TTC4: variants seen among roughly 807,000 people sequenced by gnomAD.
TTC4 encodes the protein tetratricopeptide repeat domain 4, also known as hsp70/Hsp90 co-chaperone CNS1 homolog.
TTC4 carries 36 observed loss-of-function variants against 51.9 expected under a neutral mutation model. The ratio of observed to expected loss-of-function variants is 0.69; its 90% confidence interval spans 0.53 to 0.92. The LOEUF (loss-of-function observed/expected upper bound fraction) is 0.92. TTC4 is among the 40% of genes least tolerant of loss of function. The probability of loss-of-function intolerance (pLI) is 0.00; values close to 1 mark genes in which losing one functional copy is unlikely to be tolerated. For missense variants in TTC4, 399 were observed against 454.6 expected, an observed-to-expected ratio of 0.88 and a Z score of 1.11; for synonymous variants, 144 against 164.2, an observed-to-expected ratio of 0.88 and a Z score of 0.94.
chr1:54,717,213 TTTC>T (rs1192987634), intron 2 of TTC4, among the ~76,000 whole-genome samples: 1 of 152,202 alleles, frequency 6.6e-6, no homozygotes, highest in Non-Finnish European at 1.5e-5. Flanking sequence ...AAAAAATTCT[TTTC>T]TTCAACAGCT....
At chr1:54,716,085 T>C (rs1410379326) in intron 1 of TTC4, 66 bp downstream of exon 1, 3 of 1,297,082 alleles carry the variant, frequency 2.3e-6, no homozygotes. Context: ...GCACCCGGGC[T>C]CTGGGGCACC....
chr1:54,717,484 C>T lies in TTC4; in HGVS notation c.230-8C>T. ...AGCAATAGTGATTATTTTTCCTCTT[C>T]TTTGCAGAACAGGCCAAGACCTATA... On this transcript the variant is annotated splice_region_variant and splice_polypyrimidine_tract_variant and intron_variant, in intron 2 of 9. Coordinates refer to ENST00000371281, the MANE Select transcript of TTC4 (RefSeq NM_004623.5). The T allele has an allele frequency of 2.0e-6, 3 of 1,511,460 alleles. No homozygotes were observed. The highest frequency in any genetic ancestry group is 2.4e-5 in the Admixed American group (1 of 42,328). The allele number at this position is 1,511,460 out of a possible 1,614,324, so 93.6% of individuals were successfully genotyped here.
intron 8 of TTC4, among the ~76,000 whole-genome samples, chr1:54,736,484 C>A (rs953401190): frequency 2.0e-5 from 3 of 152,044 alleles, no homozygotes; most frequent in African/African-American, 7.2e-5. Flanking sequence ...AATCCTCCCA[C>A]CTCAGTCTCC....
At chr1:54,731,373 AAAAT>A (rs1369047247) in intron 6 of TTC4, 109 bp from the exon 7 acceptor site, 2 of 964,500 alleles carry the variant, frequency 2.1e-6, no homozygotes, top group African/African-American at 1.7e-5. Context: ...AAATAAATAA[AAAAT>A]AAAAAAATTA....
At chr1:54,739,809 A>G (rs996859683) in intron 9 of TTC4, among the ~76,000 whole-genome samples, 2 of 152,342 alleles carry the variant, frequency 1.3e-5, no homozygotes, top group Admixed American at 1.3e-4. Context: ...GAAGGCCTGA[A>G]TGCCCTGCTA....
intron 5 of TTC4, among the ~76,000 whole-genome samples, chr1:54,727,628 G>A (rs997618106): frequency 7.0e-6 from 1 of 143,516 alleles, no homozygotes; most frequent in Admixed American, 7.6e-5. Flanking sequence ...AGGGCAGGAG[G>A]ACCACTTGAG....
chr1:54,739,130 C>T (rs993402859), intron 9 of TTC4, among the ~76,000 whole-genome samples: 3 of 151,890 alleles, frequency 2.0e-5, no homozygotes, highest in Admixed American at 1.3e-4. Flanking sequence ...CCTCAGCCTC[C>T]GAAAGTGCTG....
rs147930155 is a variant in TTC4 at position 54,733,156 on chromosome 1, C to T, written c.897-473C>T. On this transcript the variant is annotated intron_variant, in intron 7 of 9. Transcript: ENST00000371281. ...TGTCAGTCAGGTGCAGGGCTCACAC[C>T]TGTAATCCCAATAACTTTGGGAGGC... Among the ~76,000 whole-genome samples, 288 of 147,626 alleles carry T rather than the reference C, an allele frequency of 2.0e-3. 1 individual carries two copies. The highest frequency in any genetic ancestry group is 6.8e-3 in the African/African-American group (259 of 38,228).
chr1:54,740,415 A>G (rs1437967647), intron 9 of TTC4, among the ~76,000 whole-genome samples: 2 of 151,982 alleles, frequency 1.3e-5, no homozygotes, highest in Non-Finnish European at 2.9e-5. Flanking sequence ...CTGGTCCCAA[A>G]TCTCTCTTCT....
chr1:54,722,016 A>G (rs75088591), intron 4 of TTC4, among the ~76,000 whole-genome samples: 3,937 of 152,314 alleles, frequency 0.026, 184 homozygotes, highest in African/African-American at 0.09. Flanking sequence ...GCTCATCTCT[A>G]GAAGATGGGG....
rs373085581 is a variant in TTC4, at chr1:54,733,672, T to C, written c.940T>C (p.Trp314Arg). ...LMVMFGETPS[W>R]DLEQKYCPDN... is the part of the protein sequence containing the mutation. ...GGTGATGTTTGGTGAAACACCCTCT[T>C]GGGACCTAGAGCAAAAATATTGCCC... Residue 314 changes from tryptophan to arginine, a missense_variant, in exon 8 of 10, where the codon TGG (tryptophan) becomes CGG (arginine). Trp to Arg is a moderately radical substitution (Grantham distance 101, BLOSUM62 -3). This residue lies in a region of TTC4 where 19 missense variants were observed against 43.7 expected (regional missense o/e 0.43). Coordinates refer to ENST00000371281, the MANE Select transcript of TTC4 (RefSeq NM_004623.5). 15 of 1,603,754 alleles carry C rather than the reference T, an allele frequency of 9.4e-6. No homozygotes were observed. Among genetic ancestry groups the C allele is most frequent in the Non-Finnish European group, 1.1e-5 (13 of 1,174,322 alleles).
Position 54,725,956 on chromosome 1 carries a change from GAAGA to G in TTC4, c.595-2389_595-2386del, listed in dbSNP as rs574828547. Among the ~76,000 whole-genome samples, 236 of 152,298 alleles carry G rather than the reference GAAGA, an allele frequency of 1.5e-3. 1 individual carries two copies. The South Asian group carries it at 0.025, about 16-fold the overall frequency. On this transcript the variant is annotated intron_variant, in intron 5 of 9. Transcript: ENST00000371281. ...AACAGAATGAGAAAAGAATAAGGATGAAGAGAGACTTGTATGATGCCATCAAGCA... is the reference window on the plus strand; with the variant it reads ...AACAGAATGAGAAAAGAATAAGGATGGAGACTTGTATGATGCCATCAAGCA...
At chr1:54,722,837 TAGC>T in intron 5 of TTC4, 38 bp downstream of exon 5, 2 of 1,557,174 alleles carry the variant, frequency 1.3e-6, no homozygotes, top group Non-Finnish European at 1.7e-6. Context: ...ATTTGCTAAT[TAGC>T]AGTAATTAGC....
At position 54,741,741 on chromosome 1, in the gene TTC4, G is replaced by A. The variant is rs980732954; in HGVS notation, c.*228G>A. On this transcript the variant is annotated 3_prime_UTR_variant, in exon 10 of 10. Coordinates refer to ENST00000371281, the MANE Select transcript of TTC4 (RefSeq NM_004623.5). ...ATATAAAACTCTGGGTCTTGGCCATGATGTCCTTGGACTCCATCGCTAAAG... is the reference window on the plus strand; with the variant it reads ...ATATAAAACTCTGGGTCTTGGCCATAATGTCCTTGGACTCCATCGCTAAAG... 8 of 568,102 alleles carry A rather than the reference G, an allele frequency of 1.4e-5. No individual in the cohort carries two copies. The highest frequency in any genetic ancestry group is 4.6e-4 in the Middle Eastern group (1 of 2,158). The allele number at this position is 568,102 out of a possible 1,614,324, so 35.2% of individuals were successfully genotyped here.
intron 9 of TTC4, among the ~76,000 whole-genome samples, chr1:54,737,912 T>A (rs1428898921): frequency 1.3e-5 from 2 of 152,062 alleles, no homozygotes; most frequent in African/African-American, 2.4e-5. Context: ...AACTCCCTTT[T>A]TTTTTGAGAT....
intron 6 of TTC4, among the ~76,000 whole-genome samples, chr1:54,729,879 C>G (rs960417986): frequency 2.6e-5 from 4 of 152,080 alleles, no homozygotes; most frequent in Non-Finnish European, 5.9e-5. Flanking sequence ...CACCACCATG[C>G]CCAGCTAATT....
intron 3 of TTC4, among the ~76,000 whole-genome samples, 198 bp from the exon 4 acceptor site, chr1:54,720,965 C>T (rs1252879438): frequency 6.6e-6 from 1 of 152,000 alleles, no homozygotes; most frequent in Non-Finnish European, 1.5e-5. Context: ...GCTTACTAGC[C>T]ATTTACAGTT....
At chr1:54,718,806 A>T (rs981030780) in intron 3 of TTC4, among the ~76,000 whole-genome samples, 1 of 151,532 alleles carries the variant, frequency 6.6e-6, no homozygotes, top group Non-Finnish European at 1.5e-5. Context: ...TTATTTTTTT[A>T]ATTGAGACAG....
chr1:54,736,238 AGAAG>A (rs1645938229), intron 8 of TTC4, among the ~76,000 whole-genome samples: 1 of 119,138 alleles, frequency 8.4e-6, no homozygotes, highest in African/African-American at 4.4e-5. Flanking sequence ...GAGAGGAGAG[AGAAG>A]AGAGGAGAGA....
Sources: gnomAD v4.1 joint callset for allele counts (sites outside exome capture counted in the v4.1 genomes callset) on GRCh38, gnomAD v4.1.1 for gene constraint, gnomAD v4.1.1 regional missense constraint, MANE v1.5 for transcripts, NCBI Gene and HGNC (gene_info 2026-07-23, HGNC 2026-07-21) for gene names.